EFHC1: variants seen among roughly 807,000 people sequenced by gnomAD.
EFHC1 encodes the protein EF-hand domain-containing protein 1.
In EFHC1, 53 loss-of-function variants were observed where a neutral mutation model predicts 69.9. That is an observed-to-expected ratio of 0.76 (90% confidence interval 0.61 to 0.95). The LOEUF (loss-of-function observed/expected upper bound fraction) is 0.95, where lower values mean the gene tolerates loss of function less well. EFHC1 is among the 40% of genes least tolerant of loss of function. The pLI, the probability that EFHC1 is intolerant of heterozygous loss-of-function variation, is 0.00. For synonymous variants in EFHC1, 256 were observed against 278.4 expected, an observed-to-expected ratio of 0.92 and a Z score of 0.80; for missense variants, 739 against 798.7, an observed-to-expected ratio of 0.93 and a Z score of 0.90.
intron 3 of EFHC1, among the ~76,000 whole-genome samples, 196 bp downstream of exon 3, chr6:52,438,787 G>A (rs767644760): frequency 6.6e-5 from 10 of 152,136 alleles, no homozygotes; most frequent in African/African-American, 9.7e-5. Flanking sequence ...TTTTCAGAAT[G>A]ATATTAATAC....
chr6:52,490,063 G>A (rs1765863878), intron 9 of EFHC1, 77 bp from the exon 10 acceptor site: 1 of 1,351,352 alleles, frequency 7.4e-7, no homozygotes, highest in Non-Finnish European at 1.0e-6. Context: ...ATTTCATCAA[G>A]TAAGAACTTT....
chr6:52,456,945 T>TC (rs566694045), intron 5 of EFHC1, among the ~76,000 whole-genome samples: 132 of 152,182 alleles, frequency 8.7e-4, no homozygotes, highest in Non-Finnish European at 1.5e-3. Context: ...AGTCATGAGG[T>TC]ACAGAAAAGG....
rs908573760 is a variant in EFHC1 at position 52,479,763 on chromosome 6, A to C, written c.1616A>C (p.Glu539Ala). The change falls in exon 9 of 11, where the codon GAA (glutamate) becomes GCA (alanine). Residue 539 changes from glutamate (E) to alanine (A), a missense_variant. Physicochemically the swap from Glu to Ala is moderately radical, Grantham distance 107. Coordinates refer to ENST00000371068, the MANE Select transcript of EFHC1 (RefSeq NM_018100.4). ...ASIQNHVRKR[E>A]APAPEAESKQ... ...ATTCAGAACCATGTCCGAAAGCGAG[A>C]AGCGCCTGCTCCAGAAGCAGAAAGG... 5 of 1,614,214 alleles carry C rather than the reference A, an allele frequency of 3.1e-6. No individual in the cohort carries two copies. The highest frequency in any genetic ancestry group is 4.2e-6 in the Non-Finnish European group (5 of 1,180,038).
chr6:52,433,008 A>G (rs192825883), intron 2 of EFHC1, among the ~76,000 whole-genome samples: 61 of 152,048 alleles, frequency 4.0e-4, no homozygotes, highest in African/African-American at 1.3e-3. Flanking sequence ...TTGCATTTCT[A>G]TAAGCACATC....
At chr6:52,455,362 T>C (rs1308478135) in intron 5 of EFHC1, among the ~76,000 whole-genome samples, 1 of 151,932 alleles carries the variant, frequency 6.6e-6, no homozygotes, top group African/African-American at 2.4e-5. Context: ...ATAAGAAATT[T>C]CAGGTATTGG....
chr6:52,494,514 A>G lies in EFHC1; in HGVS notation c.*2173A>G, dbSNP rs1037014203. On this transcript the variant is annotated 3_prime_UTR_variant, in exon 11 of 11. Transcript: ENST00000371068. ...GCAAAGTCTTATTTCTGTGGCTAGT[A>G]ATGTCGTAATGTGGGGCCAGGTCTG... 7 of 454,014 alleles carry G rather than the reference A, an allele frequency of 1.5e-5. No homozygotes were observed. Among genetic ancestry groups the G allele is most frequent in the Admixed American group, 7.0e-5 (3 of 42,560 alleles). 28.1% of individuals were successfully genotyped at this position (454,014 alleles called of 1,614,324 possible).
chr6:52,457,533 C>G (rs1765070540), intron 5 of EFHC1, among the ~76,000 whole-genome samples: 1 of 152,126 alleles, frequency 6.6e-6, no homozygotes, highest in Admixed American at 6.6e-5. Flanking sequence ...CAACCAGGGC[C>G]TCCTTTTAAG....
rs1305110363 is a variant in EFHC1, at chr6:52,495,793, G to C, written c.*3452G>C. The stretch of plus-strand genomic sequence containing the variant: ...TCCACATACACTCCTTAAGTTTGCT[G>C]TCCACTTCTTGCCTTGCATCTCCTT... On this transcript the variant is annotated 3_prime_UTR_variant, in exon 11 of 11. Transcript: ENST00000371068. 1 of 354,444 alleles carries C rather than the reference G, an allele frequency of 2.8e-6. No homozygotes were observed. The highest frequency in any genetic ancestry group is 2.1e-5 in the African/African-American group (1 of 46,674). The allele number at this position is 354,444 out of a possible 1,614,324, so 22.0% of individuals were successfully genotyped here. A position where few individuals can be genotyped will look rare whatever the true frequency, so the allele number is the denominator to read the frequency against.
chr6:52,430,823 G>C (rs559768730), intron 2 of EFHC1, among the ~76,000 whole-genome samples: 2 of 152,054 alleles, frequency 1.3e-5, no homozygotes, highest in Non-Finnish European at 2.9e-5. Context: ...CTGTGAATCT[G>C]TCTGGTCCTG....
intron 9 of EFHC1, chr6:52,481,647 G>A (rs1765679025): frequency 6.6e-6 from 1 of 152,098 alleles, no homozygotes; most frequent in Non-Finnish European, 1.5e-5. Context: ...AGCTTCCCAA[G>A]TAGCTGGAAC....
intron 3 of EFHC1, 85 bp from the exon 4 acceptor site, chr6:52,452,602 CA>C: frequency 6.7e-7 from 1 of 1,503,140 alleles, no homozygotes; most frequent in East Asian, 2.3e-5. Flanking sequence ...GTGCCTGGCC[CA>C]TACACTTATT....
At chr6:52,440,618 C>A (rs1414753315) in intron 3 of EFHC1, among the ~76,000 whole-genome samples, 1 of 151,980 alleles carries the variant, frequency 6.6e-6, no homozygotes, top group Non-Finnish European at 1.5e-5. Flanking sequence ...GTCTTTATGG[C>A]AGAATGATTT....
At chr6:52,460,988 T>A (rs1377963022) in intron 5 of EFHC1, among the ~76,000 whole-genome samples, 1 of 152,140 alleles carries the variant, frequency 6.6e-6, no homozygotes, top group East Asian at 1.9e-4. Flanking sequence ...TTTGTGAGAG[T>A]TAAAAATATC....
intron 2 of EFHC1, among the ~76,000 whole-genome samples, chr6:52,428,434 T>C (rs976792913): frequency 2.6e-5 from 4 of 152,180 alleles, no homozygotes; most frequent in Non-Finnish European, 5.9e-5. Flanking sequence ...AGTGAGAACA[T>C]ACAATGTTTG....
At chr6:52,423,657 A>ATTTTT (rs59383268) in intron 1 of EFHC1, 12 of 263,440 alleles carry the variant, frequency 4.6e-5, no homozygotes, top group South Asian at 7.4e-5. Context: ...CACCCAGCTA[A>ATTTTT]TTTTTTTTTT....
intron 3 of EFHC1, among the ~76,000 whole-genome samples, chr6:52,446,818 G>A (rs1314842254): frequency 6.6e-6 from 1 of 152,170 alleles, no homozygotes; most frequent in Admixed American, 6.5e-5. Flanking sequence ...CTTCACTTAT[G>A]AAGCTTAGTT....
chr6:52,463,375 C>G (rs1765218177), intron 5 of EFHC1, among the ~76,000 whole-genome samples: 1 of 152,008 alleles, frequency 6.6e-6, no homozygotes, highest in African/African-American at 2.4e-5. Context: ...AATAGAAAAC[C>G]AAATATCTTC....
chr6:52,425,406 G>T (rs987367775), intron 2 of EFHC1, among the ~76,000 whole-genome samples: 1 of 152,112 alleles, frequency 6.6e-6, no homozygotes, highest in Non-Finnish European at 1.5e-5. Flanking sequence ...TTACTGAAAA[G>T]AATAGTAAGT....
chr6:52,463,819 A>G (rs901240533), intron 5 of EFHC1, among the ~76,000 whole-genome samples: 2 of 152,184 alleles, frequency 1.3e-5, no homozygotes, highest in Non-Finnish European at 2.9e-5. Context: ...AAAGGGAGGT[A>G]GTAGGGTTGA....
Sources: gnomAD v4.1 joint callset for allele counts (sites outside exome capture counted in the v4.1 genomes callset) on GRCh38, gnomAD v4.1.1 for gene constraint, MANE v1.5 for transcripts, NCBI Gene and HGNC (gene_info 2026-07-23, HGNC 2026-07-21) for gene names.